DIS3L2: variants seen among roughly 807,000 people sequenced by gnomAD.
DIS3L2 encodes the protein DIS3-like exonuclease 2.
Under a neutral mutation model 97.5 loss-of-function variants are expected in DIS3L2, and 34 were observed. The observed-to-expected ratio is 0.35, with a 90% CI of 0.27 to 0.46. The LOEUF (loss-of-function observed/expected upper bound fraction) is 0.46. Among genes scored for constraint, DIS3L2 ranks in the 20% least tolerant of loss-of-function variants. DIS3L2 has a pLI of 1.00. For synonymous variants in DIS3L2, 435 were observed against 445.2 expected, an observed-to-expected ratio of 0.98 and a Z score of 0.29; for missense variants, 1,038 against 1,146.0, an observed-to-expected ratio of 0.91 and a Z score of 1.36.
At chr2:232,193,110 T>C (rs1691660942) in intron 9 of DIS3L2, among the ~76,000 whole-genome samples, 1 of 152,234 alleles carries the variant, frequency 6.6e-6, no homozygotes, top group Non-Finnish European at 1.5e-5. Flanking sequence ...ACTCCTTCCT[T>C]GTTTCCCATC....
intron 10 of DIS3L2, among the ~76,000 whole-genome samples, chr2:232,221,737 G>T (rs1692513557): frequency 6.6e-6 from 1 of 152,030 alleles, no homozygotes; most frequent in Non-Finnish European, 1.5e-5. Context: ...GGAGGTGGAG[G>T]TTGCAGTGAG....
At chr2:232,323,051 G>A (rs984548560) in intron 14 of DIS3L2, among the ~76,000 whole-genome samples, 8 of 152,230 alleles carry the variant, frequency 5.3e-5, no homozygotes, top group African/African-American at 9.6e-5. Context: ...CCAGGCTTCT[G>A]TGTGCCCGTG....
chr2:232,264,818 T>G (rs1374236295), intron 13 of DIS3L2, among the ~76,000 whole-genome samples: 2 of 152,216 alleles, frequency 1.3e-5, no homozygotes, highest in Non-Finnish European at 2.9e-5. Context: ...TAGGGAGAAG[T>G]GGCTGCCATT....
intron 4 of DIS3L2, among the ~76,000 whole-genome samples, chr2:232,026,026 C>T (rs1458361290): frequency 6.6e-6 from 1 of 152,078 alleles, no homozygotes; most frequent in Non-Finnish European, 1.5e-5. Flanking sequence ...CTTAAGTTTG[C>T]TCTTATTGAT....
At position 232,300,240 on chromosome 2, in the gene DIS3L2, A is replaced by G. The variant is rs1220883484; in HGVS notation, c.1739+121A>G. ...TCAGGAAGGGAATACACCTTTTACT[A>G]CTATACTAGAAAATAGCTGGCACAG... On this transcript the variant is annotated intron_variant, in intron 14 of 20. Transcript: ENST00000325385. 9 of 855,800 alleles carry G rather than the reference A, an allele frequency of 1.1e-5. No individual in the cohort carries two copies. In the East Asian group the frequency reaches 2.5e-4, roughly 24 times the overall value. The allele number at this position is 855,800 out of a possible 1,614,324, so 53.0% of individuals were successfully genotyped here.
intron 7 of DIS3L2, among the ~76,000 whole-genome samples, chr2:232,132,949 TG>T (rs929946953): frequency 6.6e-6 from 1 of 152,160 alleles, no homozygotes; most frequent in African/African-American, 2.4e-5. Flanking sequence ...CAGTCAAGTA[TG>T]GGAAGCCCCT....
At position 232,109,724 on chromosome 2, in the gene DIS3L2, A is replaced by G. The variant is rs556628536; in HGVS notation, c.602-20895A>G. Among the ~76,000 whole-genome samples the G allele has an allele frequency of 2.0e-5, 3 of 152,324 alleles. No homozygotes were observed. The South Asian group carries it at 6.2e-4, about 32-fold the overall frequency. On this transcript the variant is annotated intron_variant, in intron 6 of 20. Coordinates refer to ENST00000325385, the MANE Select transcript of DIS3L2 (RefSeq NM_152383.5). ...ATATACACAAATCAACTCAAGATGGATTAAAGACTTAAATGTAAAACCCTA... is the reference window on the plus strand; with the variant it reads ...ATATACACAAATCAACTCAAGATGGGTTAAAGACTTAAATGTAAAACCCTA...
At chr2:232,267,401 A>G in intron 13 of DIS3L2, among the ~76,000 whole-genome samples, 1 of 152,214 alleles carries the variant, frequency 6.6e-6, no homozygotes, top group Non-Finnish European at 1.5e-5. Flanking sequence ...TAGAAAGCAA[A>G]TGCAGATACC....
intron 6 of DIS3L2, among the ~76,000 whole-genome samples, chr2:232,123,904 G>C (rs1697978758): frequency 6.6e-6 from 1 of 152,148 alleles, no homozygotes; most frequent in Non-Finnish European, 1.5e-5. Context: ...CAAGCTGACT[G>C]GGTCAATCAA....
chr2:231,994,079 GTT>G (rs770565920), intron 1 of DIS3L2, among the ~76,000 whole-genome samples: 18 of 123,332 alleles, frequency 1.5e-4, no homozygotes, highest in Non-Finnish European at 2.1e-4. Context: ...TTTTTTGTTG[GTT>G]TTTTTTTTTT....
intron 9 of DIS3L2, among the ~76,000 whole-genome samples, chr2:232,193,833 T>C (rs753030158): frequency 6.6e-6 from 1 of 152,128 alleles, no homozygotes; most frequent in African/African-American, 2.4e-5. Flanking sequence ...AGACCCCAAT[T>C]AAAGATTCAA....
At chr2:232,200,869 C>T (rs1448715968) in intron 9 of DIS3L2, among the ~76,000 whole-genome samples, 2 of 151,188 alleles carry the variant, frequency 1.3e-5, no homozygotes, top group African/African-American at 2.4e-5. Context: ...CTGCAAACTC[C>T]GCCTCCTGGG....
chr2:232,001,913 G>A (rs932927215), intron 1 of DIS3L2, among the ~76,000 whole-genome samples: 2 of 151,596 alleles, frequency 1.3e-5, no homozygotes, highest in Non-Finnish European at 2.9e-5. Flanking sequence ...AGACAACAGG[G>A]TTTCACCATA....
chr2:232,223,924 C>T (rs1305059195), intron 10 of DIS3L2, among the ~76,000 whole-genome samples: 2 of 152,092 alleles, frequency 1.3e-5, no homozygotes, highest in African/African-American at 4.8e-5. Context: ...CCCATCTCTA[C>T]AAAAATTACA....
At chr2:232,184,067 G>A (rs1199327486) in intron 9 of DIS3L2, among the ~76,000 whole-genome samples, 1 of 152,162 alleles carries the variant, frequency 6.6e-6, no homozygotes, top group East Asian at 1.9e-4. Context: ...TGTCCTTGTT[G>A]ATATTTAGCC....
chr2:232,333,904 A>G lies in DIS3L2; in HGVS notation c.2075A>G (p.Asn692Ser), dbSNP rs1295146723. ...GCGCAGTTCCGGCACTACGCGCTCAATGTGCCCCTGTACACACACTTCACC... is the reference window on the plus strand; with the variant it reads ...GCGCAGTTCCGGCACTACGCGCTCAGTGTGCCCCTGTACACACACTTCACC... ...DPAQFRHYAL[N>S]VPLYTHFTSP... is the part of the protein sequence containing the mutation. Residue 692 changes from asparagine to serine, a missense_variant, in exon 17 of 21, where the codon AAT (asparagine) becomes AGT (serine). Coordinates refer to ENST00000325385, the MANE Select transcript of DIS3L2 (RefSeq NM_152383.5). 1 of 1,612,884 alleles carries G rather than the reference A, an allele frequency of 6.2e-7. No individual in the cohort carries two copies. Among genetic ancestry groups the G allele is most frequent in the Non-Finnish European group, 8.5e-7 (1 of 1,179,902 alleles).
intron 5 of DIS3L2, among the ~76,000 whole-genome samples, chr2:232,057,667 A>G (rs1417601821): frequency 6.6e-6 from 1 of 152,162 alleles, no homozygotes; most frequent in African/African-American, 2.4e-5. Flanking sequence ...CCCAGCTGAC[A>G]AACATCTTGA....
At chr2:232,263,585 C>T (rs80329654) in intron 13 of DIS3L2, 145 bp downstream of exon 13, 4 of 739,910 alleles carry the variant, frequency 5.4e-6, no homozygotes, top group African/African-American at 1.8e-5. Flanking sequence ...CTGAGGCCGG[C>T]AGGAACTAAC....
intron 5 of DIS3L2, among the ~76,000 whole-genome samples, chr2:232,067,713 T>G (rs1013310683): frequency 2.0e-5 from 3 of 152,226 alleles, no homozygotes; most frequent in African/African-American, 7.2e-5. Context: ...ATTGTGAAAA[T>G]ATCTATGATT....
Sources: gnomAD v4.1 joint callset for allele counts (sites outside exome capture counted in the v4.1 genomes callset) on GRCh38, gnomAD v4.1.1 for gene constraint, MANE v1.5 for transcripts, NCBI Gene and HGNC (gene_info 2026-07-23, HGNC 2026-07-21) for gene names.